RTKN: variants seen among roughly 807,000 people sequenced by gnomAD.
RTKN encodes rhotekin.
In RTKN, 49 loss-of-function variants were observed where a neutral mutation model predicts 63.5. The observed-to-expected ratio is 0.77, with a 90% confidence interval of 0.61 to 0.98. The LOEUF is 0.98. Ranked by LOEUF, RTKN falls within the 50% of genes least tolerant of loss-of-function variation. The probability of loss-of-function intolerance (pLI) is 0.00; values close to 1 mark genes in which losing one functional copy is unlikely to be tolerated. For synonymous variants in RTKN, 295 were observed against 290.4 expected (o/e 1.02, Z -0.16); for missense variants, 685 against 740.8 (o/e 0.92, Z 0.87).
intron 9 of RTKN, 94 bp downstream of exon 9, chr2:74,428,170 TTCTA>T (rs1204649764): frequency 6.5e-7 from 1 of 1,536,370 alleles, no homozygotes; most frequent in Non-Finnish European, 8.9e-7. Context: ...GGAGGCCTGC[TTCTA>T]TCTCTCTGAG....
Position 74,428,853 on chromosome 2 carries a change from C to T in RTKN, c.845G>A (p.Ser282Asn). ...GFRTHDLTLA[S>N]HEENPAWLPL... Reference sequence around the variant, plus strand: ...CCATGCACACACATACTTACCATGACTGGCAAGGGTGAGGTCATGTGTGCG... The same window carrying T: ...CCATGCACACACATACTTACCATGATTGGCAAGGGTGAGGTCATGTGTGCG... The change falls in exon 7 of 12, where the codon AGT becomes AAT. Residue 282 changes from serine (S) to asparagine (N), a missense_variant. By Grantham distance (46) the Ser-to-Asn change is conservative (BLOSUM62 1). Transcript: ENST00000272430. 6.2e-7 allele frequency: 1 copy of T among 1,613,876 alleles called. No homozygotes were observed. The highest frequency in any genetic ancestry group is 8.5e-7 in the Non-Finnish European group (1 of 1,179,778).
chr2:74,437,856 A>G (rs1470736119), intron 1 of RTKN, among the ~76,000 whole-genome samples: 1 of 152,286 alleles, frequency 6.6e-6, no homozygotes, highest in African/African-American at 2.4e-5. Flanking sequence ...CAGGCAAACA[A>G]ATTAGATAAA....
rs1670565204 is a variant in RTKN, at chr2:74,428,731, T to C, written c.857A>G (p.Asn286Ser). Reference protein sequence around the residue: ...HDLTLASHEENPAWLPLYGSV... With the variant: ...HDLTLASHEESPAWLPLYGSV... ...ACCATAAAGGGGCAGCCAGGCAGGG[T>C]TCTCCTCTGGGGGAGGAGGAAGTGC... is the stretch of plus-strand genomic sequence containing the variant. The change falls in exon 8 of 12, where the codon AAC (asparagine) becomes AGC (serine). Residue 286 changes from asparagine (N) to serine (S), a missense_variant. Physicochemically the swap from Asn to Ser is conservative, Grantham distance 46. Transcript: ENST00000272430. 1.9e-6 allele frequency: 3 copies of C among 1,613,566 alleles called. No homozygotes were observed. The highest frequency in any genetic ancestry group is 2.5e-6 in the Non-Finnish European group (3 of 1,179,800).
At chr2:74,431,548 T>A (rs1182744032) in intron 2 of RTKN, among the ~76,000 whole-genome samples, 1 of 152,268 alleles carries the variant, frequency 6.6e-6, no homozygotes, top group East Asian at 1.9e-4. Flanking sequence ...CTGTGTGGGC[T>A]GTGTGAGGAC....
In RTKN at chr2:74,430,636, C is replaced by T. The variant is rs766056590; in HGVS notation, c.353G>A (p.Arg118His). Residue 118 changes from arginine (R) to histidine (H), a missense_variant, in exon 3 of 12, where the codon CGC (arginine) becomes CAC (histidine). Physicochemically the swap from Arg to His is conservative, Grantham distance 29. Coordinates refer to ENST00000272430, the MANE Select transcript of RTKN (RefSeq NM_001015055.2). ...CTTACCAGAGATGCAGACCCGGCCG[C>T]GGCAGGGGGAGCGCTCAGCGGGCGG... ...SGPPAERSPC[R>H]GRVCISDLRI... 8 of 1,613,584 alleles carry T rather than the reference C, an allele frequency of 5.0e-6. No individual in the cohort carries two copies. Among genetic ancestry groups the T allele is most frequent in the East Asian group, 2.2e-5 (1 of 44,892 alleles).
At chr2:74,427,122 A>G in intron 11 of RTKN, 47 bp downstream of exon 11, 1 of 1,580,632 alleles carries the variant, frequency 6.3e-7, no homozygotes. Flanking sequence ...GAAGTCCCCA[A>G]CCCTACTTCC....
In RTKN at chr2:74,432,470, C is replaced by T. The variant is rs746547971; in HGVS notation, c.308G>A (p.Arg103Gln). ...KEAQVLGKTS[R>Q]RPSDSGPPAE... The stretch of plus-strand genomic sequence containing the variant: ...GCCTCGTCTCCCCCTTGCTCACCGC[C>T]GGCTTGTCTTCCCCAGCACCTGCGC... Residue 103 changes from arginine (R) to glutamine (Q), a missense_variant, in exon 2 of 12, where the codon CGG becomes CAG. By Grantham distance (43) the Arg-to-Gln change is conservative. Transcript: ENST00000272430. 2.2e-5 allele frequency: 35 copies of T among 1,608,520 alleles called. No homozygotes were observed. The highest frequency in any genetic ancestry group is 2.7e-5 in the African/African-American group (2 of 74,946).
In RTKN at chr2:74,432,599, G is replaced by A; in HGVS notation, c.179C>T (p.Ala60Val). The change falls in exon 2 of 12, where the codon GCA becomes GTA. Residue 60 changes from alanine to valine, a missense_variant. Physicochemically the swap from Ala to Val is moderately conservative, Grantham distance 64 (BLOSUM62 0). Coordinates refer to ENST00000272430, the MANE Select transcript of RTKN (RefSeq NM_001015055.2). ...AGCCTGCTCTCGCTGGGAGCAGGCT[G>A]CCAGCAGCTTACAGGCCCCTTCCCT... ...RMREGACKLL[A>V]ACSQREQALE... The A allele has an allele frequency of 1.9e-6, 3 of 1,614,074 alleles. No homozygotes were observed. The highest frequency in any genetic ancestry group is 2.5e-6 in the Non-Finnish European group (3 of 1,179,966).
rs769140195 is a variant in RTKN, at chr2:74,429,883, C to T, written c.700G>A (p.Asp234Asn). The change falls in exon 6 of 12, where the codon GAC becomes AAC. Residue 234 changes from aspartate to asparagine, a missense_variant. Transcript: ENST00000272430. ...SSGRRVRASL[D>N]SAGGSGSSPI... ...CTGCTCCCTGAACCCCCAGCACTGT[C>T]CAGCGATGCCCGGACACGCCTCCCT... 1.2e-6 allele frequency: 2 copies of T among 1,614,204 alleles called. No homozygotes were observed.
In RTKN at chr2:74,441,721, G is replaced by T. The variant is rs928587919; in HGVS notation, c.96C>A (p.Phe32Leu). The part of the protein sequence containing the change: ...FKRGRFRLSL[F>L]SDLPEDTELQ... ...AGTCTCTCACCTCGGGCAGGTCGCT[G>T]AAGAGGCTGAGTCGGAAGCGGCCGC... is the stretch of plus-strand genomic sequence containing the variant. Residue 32 changes from phenylalanine (F) to leucine (L), a missense_variant, in exon 1 of 12, where the codon TTC becomes TTA. Phe to Leu is a conservative substitution (Grantham distance 22). Coordinates refer to ENST00000272430, the MANE Select transcript of RTKN (RefSeq NM_001015055.2). 1 of 1,610,948 alleles carries T rather than the reference G, an allele frequency of 6.2e-7. No individual in the cohort carries two copies. Among genetic ancestry groups the T allele is most frequent in the South Asian group, 1.1e-5 (1 of 90,312 alleles).
At chr2:74,435,680 G>T (rs997027969) in intron 1 of RTKN, among the ~76,000 whole-genome samples, 3 of 152,168 alleles carry the variant, frequency 2.0e-5, no homozygotes, top group Non-Finnish European at 2.9e-5. Flanking sequence ...TGGTTCAGGA[G>T]ACAAGTCGAG....
intron 2 of RTKN, 29 bp downstream of exon 2, chr2:74,432,438 C>T (rs368695857): frequency 6.3e-7 from 1 of 1,597,752 alleles, no homozygotes; most frequent in Non-Finnish European, 8.5e-7. Flanking sequence ...CTCCTGCCTC[C>T]ATCGAGGCCT....
At chr2:74,439,174 A>C (rs1026677549) in intron 1 of RTKN, among the ~76,000 whole-genome samples, 23 of 152,186 alleles carry the variant, frequency 1.5e-4, no homozygotes, top group Non-Finnish European at 5.9e-5. Context: ...GGCCAGCAGA[A>C]TCCTTACTCA....
chr2:74,428,006 A>T, intron 9 of RTKN: 1 of 542,960 alleles, frequency 1.8e-6, no homozygotes, highest in Non-Finnish European at 3.3e-6. Flanking sequence ...AGAGGGAGAG[A>T]GGATGAAAAG....
In RTKN at chr2:74,425,937, C is replaced by T; in HGVS notation, c.*306G>A. ...GGGAGTCACAAGGGAGGTATGTTTGCTCCAAGGGTTCTTCAGTGCCATCCT... is the reference window on the plus strand; with the variant it reads ...GGGAGTCACAAGGGAGGTATGTTTGTTCCAAGGGTTCTTCAGTGCCATCCT... On this transcript the variant is annotated 3_prime_UTR_variant, in exon 12 of 12. Coordinates refer to ENST00000272430, the MANE Select transcript of RTKN (RefSeq NM_001015055.2). 1.4e-6 allele frequency: 1 copy of T among 710,552 alleles called. No individual in the cohort carries two copies. 44.0% of individuals were successfully genotyped at this position (710,552 alleles called of 1,614,324 possible).
At chr2:74,432,342 C>G (rs1008822633) in intron 2 of RTKN, 125 bp downstream of exon 2, 1 of 948,054 alleles carries the variant, frequency 1.1e-6, no homozygotes, top group African/African-American at 1.6e-5. Flanking sequence ...TCTCCCAGGT[C>G]CCTGATAAGA....
At chr2:74,439,436 C>T (rs1365371542) in intron 1 of RTKN, 1 of 1,178,296 alleles carries the variant, frequency 8.5e-7, no homozygotes, top group African/African-American at 1.5e-5. Context: ...TGTCCCTCTT[C>T]CCACTTTAAG....
At chr2:74,435,242 T>C (rs1203524064) in intron 1 of RTKN, among the ~76,000 whole-genome samples, 1 of 152,104 alleles carries the variant, frequency 6.6e-6, no homozygotes, top group African/African-American at 2.4e-5. Flanking sequence ...GCCCTGGAGG[T>C]CCTGCTTCTT....
intron 2 of RTKN, chr2:74,430,884 G>A (rs1369795692): frequency 3.4e-6 from 2 of 588,256 alleles, no homozygotes; most frequent in Admixed American, 3.0e-5. Flanking sequence ...GGACACTCAA[G>A]CCACATTAAC....
Sources: allele counts gnomAD v4.1 joint callset (sites outside exome capture counted in the v4.1 genomes callset), GRCh38; gene constraint gnomAD v4.1.1; transcripts MANE v1.5; gene names NCBI Gene and HGNC (gene_info 2026-07-23, HGNC 2026-07-21).